BCAS3: variants seen among roughly 807,000 people sequenced by gnomAD.
BCAS3 encodes the protein BCAS3 microtubule associated cell migration factor, also known as BCAS4/BCAS3 fusion.
In BCAS3, 53 loss-of-function variants were observed where a neutral mutation model predicts 116.1. The ratio of observed to expected loss-of-function variants is 0.46; its 90% CI spans 0.37 to 0.57. BCAS3 has a LOEUF of 0.57. Among genes scored for constraint, BCAS3 ranks in the 20% least tolerant of loss-of-function variants. BCAS3 has a pLI of 0.00. For missense variants in BCAS3, 917 were observed against 1,165.4 expected, an observed-to-expected ratio of 0.79 and a Z score of 3.10; for synonymous variants, 391 against 408.2, an observed-to-expected ratio of 0.96 and a Z score of 0.51.
At chr17:61,268,108 G>A (rs1375553373) in intron 22 of BCAS3, among the ~76,000 whole-genome samples, 1 of 152,132 alleles carries the variant, frequency 6.6e-6, no homozygotes, top group Non-Finnish European at 1.5e-5. Flanking sequence ...ATTTGATCTT[G>A]GGGACTCTGC....
At position 60,732,429 on chromosome 17, in the gene BCAS3, G is replaced by T. The variant is rs75633874; in HGVS notation, c.322-14769G>T. Among the ~76,000 whole-genome samples, 663 of 152,272 alleles carry T rather than the reference G, an allele frequency of 4.4e-3. 5 individuals are homozygous for T. Among genetic ancestry groups the T allele is most frequent in the Non-Finnish European group, 7.2e-3 (491 of 68,018 alleles). Reference sequence around the variant, plus strand: ...GAGGGTGGAGACTGGCTTGATCTTGGATGAGATTATGAAGACTAGTGTGAT... The same window carrying T: ...GAGGGTGGAGACTGGCTTGATCTTGTATGAGATTATGAAGACTAGTGTGAT... On this transcript the variant is annotated intron_variant, in intron 5 of 23. Coordinates refer to ENST00000407086, the MANE Select transcript of BCAS3 (RefSeq NM_017679.5).
At chr17:61,108,604 G>GTTTTTTT (rs56299790) in intron 22 of BCAS3, among the ~76,000 whole-genome samples, 1 of 140,144 alleles carries the variant, frequency 7.1e-6, no homozygotes, top group African/African-American at 2.6e-5. Context: ...GTCTATAGTG[G>GTTTTTTT]TTTTTTTTTT....
rs376852867 is a variant in BCAS3 at position 61,026,931 on chromosome 17, G to T, written c.1638-7735G>T. On this transcript the variant is annotated intron_variant, in intron 16 of 23. Coordinates refer to ENST00000407086, the MANE Select transcript of BCAS3 (RefSeq NM_017679.5). The surrounding 1 kb of genome is among the most constrained non-coding windows in gnomAD (Gnocchi z 5.0). ...CCATGGTGAGTTCCAGTTCAGTCCC[G>T]CATGCCTCATTCATTTGCTGTACTC... 5 of 1,590,890 alleles carry T rather than the reference G, an allele frequency of 3.1e-6. No individual in the cohort carries two copies. The highest frequency in any genetic ancestry group is 1.7e-6 in the Non-Finnish European group (2 of 1,166,458).
At chr17:61,319,510 A>G (rs967827184) in intron 22 of BCAS3, among the ~76,000 whole-genome samples, 3 of 151,752 alleles carry the variant, frequency 2.0e-5, no homozygotes, top group Non-Finnish European at 2.9e-5. Flanking sequence ...ATTAAATAAT[A>G]TGTCGAATGT....
chr17:61,284,470 A>G (rs2051549554), intron 22 of BCAS3, among the ~76,000 whole-genome samples: 1 of 152,132 alleles, frequency 6.6e-6, no homozygotes, highest in Admixed American at 6.5e-5. Context: ...CAAACTCCAG[A>G]CACACCATCT....
chr17:61,081,166 C>T (rs913226336), intron 21 of BCAS3, among the ~76,000 whole-genome samples: 2 of 152,188 alleles, frequency 1.3e-5, no homozygotes, highest in Non-Finnish European at 2.9e-5. Context: ...TTATTCTCTT[C>T]ACAACTATAT....
rs2056840022 is a variant in BCAS3 at position 61,337,786 on chromosome 17, CA to C, written c.2426-30539del. ...TTGGCTGAAACCTTTCAGCATTTCA[CA>C]AGGTGTTAGAGACAGAGAAAGCCTC... is the stretch of plus-strand genomic sequence containing the variant. On this transcript the variant is annotated intron_variant, in intron 22 of 23. Coordinates refer to ENST00000407086, the MANE Select transcript of BCAS3 (RefSeq NM_017679.5). This position sits in a 1 kb window ranked among gnomAD's most constrained non-coding sequence, Gnocchi z 4.8. Among the ~76,000 whole-genome samples, 1 of 152,122 alleles carries C rather than the reference CA, an allele frequency of 6.6e-6. No individual in the cohort carries two copies.
In BCAS3 at chr17:61,337,670, T is replaced by G. The variant is rs1003594567; in HGVS notation, c.2426-30657T>G. ...AATGTTGGTGGGATTGTTTTTATTG[T>G]TTTTTTTTCCTTTTTCTTTTTGCGC... On this transcript the variant is annotated intron_variant, in intron 22 of 23. Transcript: ENST00000407086. The surrounding 1 kb of genome is among the most constrained non-coding windows in gnomAD (Gnocchi z 4.8). Among the ~76,000 whole-genome samples the G allele has an allele frequency of 4.6e-5, 7 of 151,206 alleles. No homozygotes were observed. The highest frequency in any genetic ancestry group is 1.9e-4 in the East Asian group (1 of 5,132).
At position 60,990,794 on chromosome 17, in the gene BCAS3, C is replaced by G. The variant is rs1297024113; in HGVS notation, c.1486+559C>G. ...CCCGAGCAGCTGGGATTACAGGCAT[C>G]CGCCACCACGCCTGGCTGATTTTCA... On this transcript the variant is annotated intron_variant, in intron 15 of 23. Coordinates refer to ENST00000407086, the MANE Select transcript of BCAS3 (RefSeq NM_017679.5). The surrounding 1 kb of genome is among the most constrained non-coding windows in gnomAD (Gnocchi z 5.1). 1.3e-5 allele frequency among the ~76,000 whole-genome samples: 2 copies of G among 152,004 alleles called. No individual in the cohort carries two copies. Among genetic ancestry groups the G allele is most frequent in the African/African-American group, 4.8e-5 (2 of 41,390 alleles).
chr17:61,176,252 A>G lies in BCAS3; in HGVS notation c.2425+91688A>G, dbSNP rs73326831. ...CAACCTTATTTATAAGGTAAGATGT[A>G]TATGGTTATTTAATATATTATATAT... On this transcript the variant is annotated intron_variant, in intron 22 of 23. Coordinates refer to ENST00000407086, the MANE Select transcript of BCAS3 (RefSeq NM_017679.5). Among the ~76,000 whole-genome samples, 840 of 149,112 alleles carry G rather than the reference A, an allele frequency of 5.6e-3. 5 individuals carry two copies. The highest frequency in any genetic ancestry group is 0.02 in the African/African-American group (808 of 41,068).
At chr17:61,074,897 A>T in intron 19 of BCAS3, 23 bp from the exon 20 acceptor site, 1 of 1,551,714 alleles carries the variant, frequency 6.4e-7, no homozygotes, top group East Asian at 2.3e-5. Flanking sequence ...AAGTGGTTTA[A>T]ATCTATTTTC....
chr17:60,984,618 CTG>C (rs1478299756), intron 14 of BCAS3, among the ~76,000 whole-genome samples: 2 of 151,958 alleles, frequency 1.3e-5, no homozygotes, highest in Non-Finnish European at 2.9e-5. Context: ...CATGTATCCT[CTG>C]TGTTACAAAC....
Position 61,333,864 on chromosome 17 carries a change from C to T in BCAS3, c.2426-34463C>T, listed in dbSNP as rs888581736. ...CAAACTCCTTACCTCAAGTGATCCG[C>T]CCATCTCGGCCTCCCAAAGTGCTGG... On this transcript the variant is annotated intron_variant, in intron 22 of 23. Transcript: ENST00000407086. The surrounding 1 kb of genome is among the most constrained non-coding windows in gnomAD (Gnocchi z 4.8). Among the ~76,000 whole-genome samples the T allele has an allele frequency of 3.3e-5, 5 of 152,172 alleles. No individual in the cohort carries two copies. The highest frequency in any genetic ancestry group is 1.2e-4 in the African/African-American group (5 of 41,434).
At chr17:60,979,439 T>C (rs1030403919) in intron 14 of BCAS3, among the ~76,000 whole-genome samples, 1 of 149,628 alleles carries the variant, frequency 6.7e-6, no homozygotes, top group Non-Finnish European at 1.5e-5. Context: ...TACAATCATG[T>C]CGTCTGCAAA....
chr17:61,177,756 A>G (rs1258482662), intron 22 of BCAS3, among the ~76,000 whole-genome samples: 1 of 152,196 alleles, frequency 6.6e-6, no homozygotes, highest in Non-Finnish European at 1.5e-5. Context: ...TTATACCCTC[A>G]TTCTATATTC....
Position 60,889,967 on chromosome 17 carries a change from A to G in BCAS3, c.738+196A>G, listed in dbSNP as rs183150392. 3.4e-3 allele frequency among the ~76,000 whole-genome samples: 520 copies of G among 152,376 alleles called. 2 individuals are homozygous for G. The highest frequency in any genetic ancestry group is 0.014 in the Middle Eastern group (4 of 294). On this transcript the variant is annotated intron_variant, in intron 10 of 23. Coordinates refer to ENST00000407086, the MANE Select transcript of BCAS3 (RefSeq NM_017679.5). The stretch of plus-strand genomic sequence containing the variant: ...AATTTATAAATGTTTGGCAGTTGTC[A>G]TTAAGTCCAGACTCTGTAGAACCTT...
intron 22 of BCAS3, among the ~76,000 whole-genome samples, chr17:61,240,530 T>C (rs1382261562): frequency 6.6e-6 from 1 of 152,154 alleles, no homozygotes; most frequent in Non-Finnish European, 1.5e-5. Context: ...GGCGCACGCC[T>C]GTAATCCCAG....
At chr17:60,915,893 C>T (rs951267972) in intron 12 of BCAS3, among the ~76,000 whole-genome samples, 16 of 151,894 alleles carry the variant, frequency 1.1e-4, no homozygotes, top group Non-Finnish European at 2.9e-5. Flanking sequence ...CCATGTTAGC[C>T]AGGATGGTCT....
chr17:60,776,718 CAAAA>C (rs749033165), intron 6 of BCAS3, among the ~76,000 whole-genome samples: 7 of 46,536 alleles, frequency 1.5e-4, no homozygotes, highest in African/African-American at 2.3e-4. Flanking sequence ...GACTCCGTCT[CAAAA>C]AAAAAAAAAA....
Sources: allele counts gnomAD v4.1 joint callset (sites outside exome capture counted in the v4.1 genomes callset), GRCh38; gene constraint gnomAD v4.1.1; non-coding constraint Gnocchi (gnomAD v3.1); transcripts MANE v1.5; gene names NCBI Gene and HGNC (gene_info 2026-07-23, HGNC 2026-07-21).